SLC22A8: variants seen among roughly 807,000 people sequenced by gnomAD.
SLC22A8 encodes the protein solute carrier family 22 member 8, also known as organic anion transporter 3.
A neutral mutation model predicts 48.4 loss-of-function variants in SLC22A8; 40 were observed. The observed-to-expected ratio is 0.83, with a 90% CI of 0.64 to 1.08. SLC22A8 has a LOEUF of 1.08. Among genes scored for constraint, SLC22A8 ranks in the 50% least tolerant of loss-of-function variants. The pLI, the probability that SLC22A8 is intolerant of heterozygous loss-of-function variation, is 0.00. For synonymous variants in SLC22A8, 268 were observed against 286.3 expected (o/e 0.94, Z 0.65); for missense variants, 606 against 699.0 (o/e 0.87, Z 1.50).
chr11:63,002,719 G>A (rs2086510686), intron 2 of SLC22A8, among the ~76,000 whole-genome samples: 1 of 152,006 alleles, frequency 6.6e-6, no homozygotes, highest in Non-Finnish European at 1.5e-5. Flanking sequence ...CTTGAATCTG[G>A]ATTCTTCTAT....
chr11:62,995,787 G>A lies in SLC22A8; in HGVS notation c.918C>T (p.Ser306=), dbSNP rs756949894. The A allele has an allele frequency of 1.2e-6, 2 of 1,614,136 alleles. No individual in the cohort carries two copies. Among genetic ancestry groups the A allele is most frequent in the South Asian group, 2.2e-5 (2 of 91,070 alleles). The change falls in exon 7 of 11, where the codon TCC becomes TCT. Residue 306 remains serine, a synonymous_variant. Transcript: ENST00000336232. ...ELKLNLQKEI[S]LAKAKYTASD... ...TTGCGGTGTACTTGGCCTTGGCCAAGGAGATCTCCTTCTGCAGGTTGAGTT... is the reference window on the plus strand; with the variant it reads ...TTGCGGTGTACTTGGCCTTGGCCAAAGAGATCTCCTTCTGCAGGTTGAGTT...
chr11:63,002,115 G>A (rs1241511338), intron 2 of SLC22A8, among the ~76,000 whole-genome samples: 1 of 151,910 alleles, frequency 6.6e-6, no homozygotes, highest in African/African-American at 2.4e-5. Context: ...TCACTATGTT[G>A]CCCAGGCTGG....
At chr11:63,015,382 A>G (rs997510679) in intron 1 of SLC22A8, among the ~76,000 whole-genome samples, 8 of 152,232 alleles carry the variant, frequency 5.3e-5, no homozygotes, top group African/African-American at 1.4e-4. Context: ...TGCTGCATGC[A>G]TGGAGCAGTG....
chr11:62,997,957 A>G (rs1444852918), intron 5 of SLC22A8, among the ~76,000 whole-genome samples: 1 of 151,426 alleles, frequency 6.6e-6, no homozygotes, highest in Non-Finnish European at 1.5e-5. Context: ...GGCTCTGACT[A>G]CCTTTTTTTT....
chr11:63,006,580 G>T (rs1034502146), intron 2 of SLC22A8, among the ~76,000 whole-genome samples: 8 of 123,580 alleles, frequency 6.5e-5, no homozygotes, highest in African/African-American at 2.4e-4. Context: ...TGAGGACTGA[G>T]AATGTCTCAT....
chr11:63,000,915 C>G, intron 2 of SLC22A8, 92 bp from the exon 3 acceptor site: 2 of 946,608 alleles, frequency 2.1e-6, no homozygotes, highest in Non-Finnish European at 3.4e-6. Flanking sequence ...TGGGCTTCCT[C>G]TCCCAGCGCC....
intron 6 of SLC22A8, 65 bp downstream of exon 6, chr11:62,995,964 G>A (rs1293178134): frequency 9.9e-6 from 16 of 1,609,110 alleles, no homozygotes; most frequent in Non-Finnish European, 1.4e-5. Flanking sequence ...AGAGGCAAGG[G>A]GAGGGGCCAG....
At chr11:63,009,334 G>A (rs2086591421) in intron 2 of SLC22A8, among the ~76,000 whole-genome samples, 1 of 152,148 alleles carries the variant, frequency 6.6e-6, no homozygotes, top group African/African-American at 2.4e-5. Context: ...TGCTTCTCCA[G>A]CAGCTGACCT....
chr11:63,011,480 C>T (rs534090291), intron 2 of SLC22A8, among the ~76,000 whole-genome samples: 6 of 152,112 alleles, frequency 3.9e-5, no homozygotes, highest in Non-Finnish European at 7.3e-5. Context: ...TCTTTGTCTT[C>T]CCAGGTCTCA....
At chr11:63,011,700 C>T (rs73492035) in intron 2 of SLC22A8, among the ~76,000 whole-genome samples, 2,923 of 152,260 alleles carry the variant, frequency 0.019, 83 homozygotes, top group African/African-American at 0.067. Context: ...AGCTTGCTAA[C>T]GGGTCTCCCT....
Position 62,993,184 on chromosome 11 carries a change from G to T in SLC22A8, c.*53C>A. 1 of 1,415,814 alleles carries T rather than the reference G, an allele frequency of 7.1e-7. No individual in the cohort carries two copies. Among genetic ancestry groups the T allele is most frequent in the Non-Finnish European group, 9.8e-7 (1 of 1,017,092 alleles). The allele number at this position is 1,415,814 out of a possible 1,614,324, so 87.7% of individuals were successfully genotyped here. ...TATGGGGCCTCCCTATACTCCTAAG[G>T]TGCCTGGCTAGGATCAGTCTCTGGA... is the stretch of plus-strand genomic sequence containing the variant. On this transcript the variant is annotated 3_prime_UTR_variant, in exon 11 of 11. Coordinates refer to ENST00000336232, the MANE Select transcript of SLC22A8 (RefSeq NM_004254.4).
At chr11:63,010,972 C>T (rs2135144760) in intron 2 of SLC22A8, among the ~76,000 whole-genome samples, 1 of 152,348 alleles carries the variant, frequency 6.6e-6, no homozygotes, top group Non-Finnish European at 1.5e-5. Flanking sequence ...GGGGCAAGTC[C>T]TTCATTCAGT....
rs1340280533 is a variant in SLC22A8, at chr11:62,994,580, G to T, written c.1178C>A (p.Ala393Glu). 6.2e-7 allele frequency: 1 copy of T among 1,613,162 alleles called. No individual in the cohort carries two copies. Among genetic ancestry groups the T allele is most frequent in the Non-Finnish European group, 8.5e-7 (1 of 1,179,632 alleles). ...HTTQAAALLL[A>E]GGAILALTFV... ...GGTGAGAGCCAAGATGGCCCCTCCTGCCAGGAGCAGGGCAGCGGCCTGAGT... is the reference window on the plus strand; with the variant it reads ...GGTGAGAGCCAAGATGGCCCCTCCTTCCAGGAGCAGGGCAGCGGCCTGAGT... Residue 393 changes from alanine to glutamate, a missense_variant, in exon 8 of 11, where the codon GCA (alanine) becomes GAA (glutamate). Ala to Glu is a moderately radical substitution (Grantham distance 107). Transcript: ENST00000336232.
Position 62,993,201 on chromosome 11 carries a change from G to C in SLC22A8, c.*36C>G, listed in dbSNP as rs757917619. On this transcript the variant is annotated 3_prime_UTR_variant, in exon 11 of 11. Transcript: ENST00000336232. ...CTCCTAAGGTGCCTGGCTAGGATCA[G>C]TCTCTGGAGGGCAGGGAAAGGGGGT... The C allele has an allele frequency of 2.6e-6, 4 of 1,536,998 alleles. No homozygotes were observed. In the South Asian group the frequency reaches 3.4e-5, roughly 13 times the overall value.
intron 2 of SLC22A8, among the ~76,000 whole-genome samples, chr11:63,012,352 TG>T (rs1413857503): frequency 6.6e-6 from 1 of 152,046 alleles, no homozygotes; most frequent in African/African-American, 2.4e-5. Context: ...TCCTTTTGCC[TG>T]GGGTTCACTG....
intron 2 of SLC22A8, among the ~76,000 whole-genome samples, chr11:63,006,183 T>C (rs1340515150): frequency 6.6e-6 from 1 of 152,192 alleles, no homozygotes; most frequent in Non-Finnish European, 1.5e-5. Context: ...GACTTGTGTT[T>C]CCCTTGACTG....
rs1385434952 is a variant in SLC22A8, at chr11:63,015,728, C to T, written c.-26+1G>A. 6.5e-6 allele frequency: 1 copy of T among 153,170 alleles called. No homozygotes were observed. Among genetic ancestry groups the T allele is most frequent in the Admixed American group, 6.5e-5 (1 of 15,302 alleles). 9.5% of individuals were successfully genotyped at this position (153,170 alleles called of 1,614,324 possible). A position where few individuals can be genotyped will look rare whatever the true frequency, so the allele number is the denominator to read the frequency against. On this transcript the variant is annotated splice_donor_variant, in intron 1 of 10. Transcript: ENST00000336232. LOFTEE classifies it low-confidence loss of function (5UTR_SPLICE). ...TGGGGAGGCCCTCCATCCCTCCTCA[C>T]CTGGTGGCCGGGTCTGGATCCGATG...
chr11:62,994,939 G>A, intron 7 of SLC22A8, 183 bp from the exon 8 acceptor site: 1 of 632,800 alleles, frequency 1.6e-6, no homozygotes, highest in Admixed American at 2.4e-5. Context: ...GGGAGAAAGT[G>A]CTGTGATTGA....
In SLC22A8 at chr11:63,009,272, A is replaced by C. The variant is rs1310104451; in HGVS notation, c.333+5354T>G. On this transcript the variant is annotated intron_variant, in intron 2 of 10. Transcript: ENST00000336232. ...CGGCTGACCAGAGACCCGGCAGGGGACCCTCCCAGGGTGGAAGTCTGCTCA... is the reference window on the plus strand; with the variant it reads ...CGGCTGACCAGAGACCCGGCAGGGGCCCCTCCCAGGGTGGAAGTCTGCTCA... Among the ~76,000 whole-genome samples, 6 of 151,214 alleles carry C rather than the reference A, an allele frequency of 4.0e-5. 1 individual carries two copies. In the East Asian group the frequency reaches 1.2e-3, roughly 29 times the overall value.
Sources: allele counts gnomAD v4.1 joint callset (sites outside exome capture counted in the v4.1 genomes callset), GRCh38; gene constraint gnomAD v4.1.1; transcripts MANE v1.5; gene names NCBI Gene and HGNC (gene_info 2026-07-23, HGNC 2026-07-21).